The following THSD7A variants were observed in gnomAD, a reference collection of about 807,000 sequenced individuals.
THSD7A encodes the protein thrombospondin type 1 domain containing 7A.
Under a neutral mutation model 231.3 loss-of-function variants are expected in THSD7A, and 96 were observed. The observed-to-expected ratio is 0.41, with a 90% CI of 0.35 to 0.49. The LOEUF (loss-of-function observed/expected upper bound fraction) is 0.49. Ranked by LOEUF, THSD7A falls within the 20% of genes least tolerant of loss-of-function variation. The probability of loss-of-function intolerance (pLI) is 0.05; values close to 1 mark genes in which losing one functional copy is unlikely to be tolerated. For missense variants in THSD7A, 2,290 were observed against 2,070.2 expected (o/e 1.11, Z -2.06); for synonymous variants, 940 against 743.3 (o/e 1.26, Z -4.30).
intron 1 of THSD7A, among the ~76,000 whole-genome samples, chr7:11,698,972 ATTTT>A (rs58228910): frequency 0.094 from 13,405 of 142,680 alleles, 720 homozygotes; most frequent in Non-Finnish European, 0.14. Context: ...AATGTCACTG[ATTTT>A]TTTTTTTTTT....
intron 4 of THSD7A, among the ~76,000 whole-genome samples, chr7:11,553,500 A>G (rs555988050): frequency 7.9e-4 from 120 of 152,150 alleles, no homozygotes; most frequent in African/African-American, 2.8e-3. Context: ...TGAGATTTCT[A>G]TTTTCTAGAA....
At chr7:11,385,720 CTT>C (rs758103190) in intron 23 of THSD7A, 18 of 151,956 alleles carry the variant, frequency 1.2e-4, no homozygotes, top group South Asian at 4.2e-4. Flanking sequence ...TCATAAGTAA[CTT>C]TATTTTTAAC....
chr7:11,516,110 C>G (rs182317865), intron 6 of THSD7A, among the ~76,000 whole-genome samples: 187 of 152,126 alleles, frequency 1.2e-3, no homozygotes, highest in African/African-American at 4.4e-3. Flanking sequence ...TTGTGTGCAT[C>G]TTTATTTTAA....
intron 6 of THSD7A, among the ~76,000 whole-genome samples, chr7:11,517,682 A>T (rs1788090197): frequency 6.6e-6 from 1 of 152,224 alleles, no homozygotes; most frequent in African/African-American, 2.4e-5. Flanking sequence ...AGAAGTCTTT[A>T]TAGAAAGCAT....
chr7:11,784,616 C>T (rs1783729858), intron 1 of THSD7A, among the ~76,000 whole-genome samples: 1 of 151,890 alleles, frequency 6.6e-6, no homozygotes, highest in African/African-American at 2.4e-5. Context: ...ATTTTCCTTT[C>T]AAATGTACTT....
At chr7:11,416,715 T>C (rs1783972150) in intron 17 of THSD7A, among the ~76,000 whole-genome samples, 1 of 152,206 alleles carries the variant, frequency 6.6e-6, no homozygotes, top group South Asian at 2.1e-4. Flanking sequence ...TTTGATGCTG[T>C]TTTTGAAATG....
chr7:11,619,957 A>G (rs1475485538), intron 2 of THSD7A, among the ~76,000 whole-genome samples: 1 of 152,176 alleles, frequency 6.6e-6, no homozygotes, highest in Non-Finnish European at 1.5e-5. Flanking sequence ...TCTTTAACAT[A>G]GAAGAAGGCT....
intron 1 of THSD7A, among the ~76,000 whole-genome samples, chr7:11,749,749 T>C (rs1782437751): frequency 6.6e-6 from 1 of 151,980 alleles, no homozygotes; most frequent in African/African-American, 2.4e-5. Flanking sequence ...ACAGATAGAA[T>C]TATATTGCCA....
intron 6 of THSD7A, among the ~76,000 whole-genome samples, chr7:11,497,282 G>A (rs953565682): frequency 1.3e-5 from 2 of 152,114 alleles, no homozygotes; most frequent in Non-Finnish European, 2.9e-5. Context: ...ACAATGTGTG[G>A]GGATTATGGG....
At position 11,800,406 on chromosome 7, in the gene THSD7A, G is replaced by A. The variant is rs549615825; in HGVS notation, c.190+31351C>T. ...TCCACTAAAAATACAAAAATTAGCC[G>A]GGTGTGGTGATGGGCGCCTGTAATC... is the stretch of plus-strand genomic sequence containing the variant. On this transcript the variant is annotated intron_variant, in intron 1 of 27. Coordinates refer to ENST00000423059, the MANE Select transcript of THSD7A (RefSeq NM_015204.3). Among the ~76,000 whole-genome samples, 31 of 152,116 alleles carry A rather than the reference G, an allele frequency of 2.0e-4. No individual in the cohort carries two copies. In the East Asian group the frequency reaches 5.4e-3, roughly 27 times the overall value.
At chr7:11,515,239 C>T (rs1185598356) in intron 6 of THSD7A, among the ~76,000 whole-genome samples, 1 of 152,028 alleles carries the variant, frequency 6.6e-6, no homozygotes, top group Admixed American at 6.6e-5. Context: ...CTTTATTAGC[C>T]TCTCAGAATA....
intron 2 of THSD7A, among the ~76,000 whole-genome samples, chr7:11,612,188 T>C (rs1019130184): frequency 6.6e-6 from 1 of 152,078 alleles, no homozygotes; most frequent in African/African-American, 2.4e-5. Context: ...TAGCACGGCC[T>C]AACTGATTCT....
At chr7:11,498,840 G>A (rs1465482455) in intron 6 of THSD7A, among the ~76,000 whole-genome samples, 4 of 152,020 alleles carry the variant, frequency 2.6e-5, no homozygotes, top group Admixed American at 1.3e-4. Context: ...CAGAAAATCC[G>A]AGGTGACTAG....
intron 2 of THSD7A, among the ~76,000 whole-genome samples, chr7:11,594,532 T>A (rs74913480): frequency 0.016 from 2,394 of 152,236 alleles, 60 homozygotes; most frequent in African/African-American, 0.054. Flanking sequence ...AATAAATGCA[T>A]TTGACGCTCC....
At chr7:11,503,109 C>T (rs1362511343) in intron 6 of THSD7A, among the ~76,000 whole-genome samples, 1 of 152,144 alleles carries the variant, frequency 6.6e-6, no homozygotes, top group Non-Finnish European at 1.5e-5. Context: ...GATTCCAAAA[C>T]AGGCACATAG....
intron 6 of THSD7A, among the ~76,000 whole-genome samples, chr7:11,490,504 T>C (rs1243780749): frequency 6.6e-6 from 1 of 152,114 alleles, no homozygotes; most frequent in East Asian, 1.9e-4. Context: ...GACATGAGAC[T>C]CATGACTTCT....
At chr7:11,627,011 T>C (rs2128355959) in intron 2 of THSD7A, among the ~76,000 whole-genome samples, 1 of 152,266 alleles carries the variant, frequency 6.6e-6, no homozygotes, top group East Asian at 1.9e-4. Context: ...TTCCTGTTAG[T>C]TACTAAAAGA....
intron 2 of THSD7A, among the ~76,000 whole-genome samples, chr7:11,620,299 A>T (rs1259097131): frequency 6.6e-6 from 1 of 152,200 alleles, no homozygotes; most frequent in Non-Finnish European, 1.5e-5. Flanking sequence ...GAAAAATTTC[A>T]CAAACACTTT....
chr7:11,395,016 G>T (rs1783127007), intron 23 of THSD7A, among the ~76,000 whole-genome samples: 1 of 152,012 alleles, frequency 6.6e-6, no homozygotes, highest in South Asian at 2.1e-4. Flanking sequence ...AAAAGACACA[G>T]ACTGGCAAAT....
Sources: allele counts gnomAD v4.1 joint callset (sites outside exome capture counted in the v4.1 genomes callset), GRCh38; gene constraint gnomAD v4.1.1; transcripts MANE v1.5; gene names NCBI Gene and HGNC (gene_info 2026-07-23, HGNC 2026-07-21).